SYK: variants seen among roughly 807,000 people sequenced by gnomAD.
The protein encoded by SYK is spleen associated tyrosine kinase.
A neutral mutation model predicts 77.8 loss-of-function variants in SYK; 16 were observed. The ratio of observed to expected loss-of-function variants is 0.21; its 90% CI spans 0.14 to 0.31. The LOEUF is 0.31. SYK is among the 10% of genes least tolerant of loss of function. SYK has a pLI of 1.00. For synonymous variants in SYK, 312 were observed against 308.7 expected, an observed-to-expected ratio of 1.01 and a Z score of -0.11; for missense variants, 529 against 814.4, an observed-to-expected ratio of 0.65 and a Z score of 4.26.
chr9:90,848,493 C>G (rs183264130), intron 3 of SYK, among the ~76,000 whole-genome samples: 1 of 152,212 alleles, frequency 6.6e-6, no homozygotes, highest in African/African-American at 2.4e-5. Context: ...TTATTTGCAA[C>G]GAATAGCCAC....
intron 3 of SYK, among the ~76,000 whole-genome samples, chr9:90,857,466 G>A (rs865914931): frequency 2.3e-4 from 35 of 152,270 alleles, no homozygotes; most frequent in African/African-American, 7.5e-4. Flanking sequence ...ATGAGAGGGC[G>A]TTTGTAATAA....
chr9:90,845,789 G>T (rs1826570891), intron 3 of SYK, among the ~76,000 whole-genome samples, 195 bp downstream of exon 3: 1 of 152,118 alleles, frequency 6.6e-6, no homozygotes, highest in Non-Finnish European at 1.5e-5. Context: ...TGTTTATTTT[G>T]CCCAGTCTAA....
At chr9:90,888,758 C>T (rs1277610997) in intron 13 of SYK, 131 bp downstream of exon 13, 8 of 687,794 alleles carry the variant, frequency 1.2e-5, no homozygotes, top group South Asian at 6.9e-5. Flanking sequence ...AAACAAACAA[C>T]GGTGGGGGCT....
chr9:90,875,161 G>A (rs1202319753), intron 9 of SYK, among the ~76,000 whole-genome samples: 1 of 152,020 alleles, frequency 6.6e-6, no homozygotes, highest in Non-Finnish European at 1.5e-5. Context: ...CAATTTGGGA[G>A]GCTGGGATAG....
intron 1 of SYK, among the ~76,000 whole-genome samples, chr9:90,804,524 T>C (rs1340864025): frequency 3.3e-5 from 5 of 152,236 alleles, no homozygotes; most frequent in Non-Finnish European, 5.9e-5. Context: ...ACTTTTCTAC[T>C]CTTGCTTTGC....
intron 1 of SYK, among the ~76,000 whole-genome samples, chr9:90,832,050 C>A (rs1266349028): frequency 6.6e-6 from 1 of 152,104 alleles, no homozygotes. Context: ...AAATAAATAT[C>A]TTTAAATAGA....
In SYK at chr9:90,844,045, T is replaced by C. The variant is rs140490837; in HGVS notation, c.147T>C (p.Gly49=). 6 of 1,612,620 alleles carry C rather than the reference T, an allele frequency of 3.7e-6. No individual in the cohort carries two copies. The African/African-American group carries it at 8.0e-5, about 22-fold the overall frequency. ...YLLRQSRNYL[G]GFALSVAHGR... is the part of the protein sequence containing the mutation. ...TGCGCCAGAGCCGCAACTACCTGGG[T>C]GGCTTCGCCCTGTCCGTGGCCCACG... The change falls in exon 2 of 14, where the codon GGT becomes GGC. Residue 49 remains glycine, a synonymous_variant. Transcript: ENST00000375754.
rs375498808 is a variant in SYK, at chr9:90,852,084, A to G, written c.578+6490A>G. Reference sequence around the variant, plus strand: ...ACTGTGTTTGACTACATCTTAGTTCAACAATATTTAATAATATATTTGTCT... The same window carrying G: ...ACTGTGTTTGACTACATCTTAGTTCGACAATATTTAATAATATATTTGTCT... On this transcript the variant is annotated intron_variant, in intron 3 of 13. Coordinates refer to ENST00000375754, the MANE Select transcript of SYK (RefSeq NM_003177.7). Among the ~76,000 whole-genome samples, 21 of 152,320 alleles carry G rather than the reference A, an allele frequency of 1.4e-4. No homozygotes were observed. In the East Asian group the frequency reaches 2.5e-3, roughly 18 times the overall value.
rs1452821050 is a variant in SYK, at chr9:90,844,211, A to G, written c.313A>G (p.Lys105Glu). ...TGATGGCCTGGTCTGCCTCCTCAAG[A>G]AGCCCTTCAACCGGCCCCAAGGGGT... Reference protein sequence around the residue: ...ESDGLVCLLKKPFNRPQGVQP... With the variant: ...ESDGLVCLLKEPFNRPQGVQP... Residue 105 changes from lysine to glutamate, a missense_variant, in exon 2 of 14, where the codon AAG (lysine) becomes GAG (glutamate). By Grantham distance (56) the Lys-to-Glu change is moderately conservative (BLOSUM62 1). This residue lies in a region of SYK where 321 missense variants were observed against 433.1 expected (regional missense o/e 0.74). Transcript: ENST00000375754. The G allele has an allele frequency of 6.2e-7, 1 of 1,614,200 alleles. No individual in the cohort carries two copies. The highest frequency in any genetic ancestry group is 1.1e-5 in the South Asian group (1 of 91,088).
At chr9:90,891,549 A>G (rs1024468438) in intron 13 of SYK, among the ~76,000 whole-genome samples, 8 of 152,204 alleles carry the variant, frequency 5.3e-5, no homozygotes, top group Admixed American at 2.6e-4. Context: ...TTGCTTAGCT[A>G]TGCTTGCAGC....
Position 90,817,882 on chromosome 9 carries a change from T to TGTGTGTGTGTGTGTGAGA in SYK, c.-42+15990_-42+15991insTGTGTGTGTGTGTGAGAG, listed in dbSNP as rs1302553724. Reference sequence around the variant, plus strand: ...GTGTGTGTGTGTGTGTGTGTGTGTGTGAGAGAGAGAGAGAGAGAGAGAGAG... The same window carrying TGTGTGTGTGTGTGTGAGA: ...GTGTGTGTGTGTGTGTGTGTGTGTGTGTGTGTGTGTGTGTGAGAGAGAGAGAGAGAGAGAGAGAGAGAG... On this transcript the variant is annotated intron_variant, in intron 1 of 13. Coordinates refer to ENST00000375754, the MANE Select transcript of SYK (RefSeq NM_003177.7). Among the ~76,000 whole-genome samples, 143 of 66,880 alleles carry TGTGTGTGTGTGTGTGAGA rather than the reference T, an allele frequency of 2.1e-3. 1 individual carries two copies. Among genetic ancestry groups the TGTGTGTGTGTGTGTGAGA allele is most frequent in the Middle Eastern group, 6.0e-3 (1 of 166 alleles). 43.9% of individuals were successfully genotyped at this position (66,880 alleles called of 152,430 possible). A position where few individuals can be genotyped will look rare whatever the true frequency, so the allele number is the denominator to read the frequency against.
chr9:90,864,961 T>C, intron 5 of SYK, 87 bp from the exon 6 acceptor site: 1 of 1,327,412 alleles, frequency 7.5e-7, no homozygotes. Context: ...CAGCACATCC[T>C]GATCTCATTG....
At chr9:90,849,125 G>C (rs1441332410) in intron 3 of SYK, among the ~76,000 whole-genome samples, 1 of 152,218 alleles carries the variant, frequency 6.6e-6, no homozygotes, top group Non-Finnish European at 1.5e-5. Context: ...AAGTTGGGGG[G>C]GCTGTCTTTA....
At chr9:90,875,235 CAAAA>C (rs200459011) in intron 9 of SYK, among the ~76,000 whole-genome samples, 4 of 149,518 alleles carry the variant, frequency 2.7e-5, no homozygotes, top group African/African-American at 9.9e-5. Context: ...CCTGTCTCTA[CAAAA>C]AAAATAAATA....
chr9:90,844,816 A>G (rs1468036125), intron 2 of SYK, among the ~76,000 whole-genome samples: 1 of 152,268 alleles, frequency 6.6e-6, no homozygotes, highest in Non-Finnish European at 1.5e-5. Flanking sequence ...CTGTTTATGA[A>G]TAAACGCTGC....
intron 1 of SYK, among the ~76,000 whole-genome samples, chr9:90,811,069 AG>A (rs1270510366): frequency 5.6e-5 from 1 of 17,830 alleles, no homozygotes; most frequent in Non-Finnish European, 1.3e-4. Context: ...AAGAAAACTT[AG>A]GTGAGTTTTA....
At chr9:90,824,815 A>G (rs1312910997) in intron 1 of SYK, among the ~76,000 whole-genome samples, 1 of 152,104 alleles carries the variant, frequency 6.6e-6, no homozygotes, top group Non-Finnish European at 1.5e-5. Context: ...TACTGAAAAC[A>G]AGGTAAGACT....
chr9:90,802,369 T>C (rs1041229468), intron 1 of SYK, among the ~76,000 whole-genome samples: 1 of 152,240 alleles, frequency 6.6e-6, no homozygotes, highest in Non-Finnish European at 1.5e-5. Context: ...AGACGTCTTA[T>C]GAGCTTAGAC....
At chr9:90,885,912 C>G (rs1017391868) in intron 11 of SYK, among the ~76,000 whole-genome samples, 1 of 152,100 alleles carries the variant, frequency 6.6e-6, no homozygotes, top group Non-Finnish European at 1.5e-5. Flanking sequence ...TACTGCCACC[C>G]AAGGAGACCA....
Sources: allele counts gnomAD v4.1 joint callset (sites outside exome capture counted in the v4.1 genomes callset), GRCh38; gene constraint gnomAD v4.1.1; regional missense constraint gnomAD v4.1.1; transcripts MANE v1.5; gene names NCBI Gene and HGNC (gene_info 2026-07-23, HGNC 2026-07-21).